NAP1L4: variants seen among roughly 807,000 people sequenced by gnomAD.
NAP1L4 encodes nucleosome assembly protein 1 like 4.
A neutral mutation model predicts 58.2 loss-of-function variants in NAP1L4; 15 were observed. The observed-to-expected ratio is 0.26, with a 90% CI of 0.17 to 0.40. The LOEUF (loss-of-function observed/expected upper bound fraction) is 0.40. Ranked by LOEUF, NAP1L4 falls within the 10% of genes least tolerant of loss-of-function variation. NAP1L4 has a pLI of 1.00. For synonymous variants in NAP1L4, 171 were observed against 155.6 expected (o/e 1.10, Z -0.74); for missense variants, 384 against 451.1 (o/e 0.85, Z 1.35).
rs1044155870 is a variant in NAP1L4, at chr11:2,944,724, G to A, written c.*955C>T. Reference sequence around the variant, plus strand: ...GGACTTGACGCTCATACGCTCCACTGAAACGCAGGACTTCCCAGCCCAGTC... The same window carrying A: ...GGACTTGACGCTCATACGCTCCACTAAAACGCAGGACTTCCCAGCCCAGTC... On this transcript the variant is annotated 3_prime_UTR_variant, in exon 16 of 16. Coordinates refer to ENST00000380542, the MANE Select transcript of NAP1L4 (RefSeq NM_005969.4). 6.6e-6 allele frequency: 1 copy of A among 152,238 alleles called. No homozygotes were observed. Among genetic ancestry groups the A allele is most frequent in the African/African-American group, 2.4e-5 (1 of 41,448 alleles). The allele number at this position is 152,238 out of a possible 1,614,324, so 9.4% of individuals were successfully genotyped here. A position where few individuals can be genotyped will look rare whatever the true frequency, so the allele number is the denominator to read the frequency against.
chr11:2,988,522 G>GA (rs1444079230), intron 1 of NAP1L4, among the ~76,000 whole-genome samples: 1 of 152,244 alleles, frequency 6.6e-6, no homozygotes, highest in Middle Eastern at 3.2e-3. Flanking sequence ...AGATGCTCAT[G>GA]AATAAGTAAA....
rs1847533914 is a variant in NAP1L4, at chr11:2,969,891, G to A, written c.446C>T (p.Ala149Val). 1 of 1,613,734 alleles carries A rather than the reference G, an allele frequency of 6.2e-7. No individual in the cohort carries two copies. Among genetic ancestry groups the A allele is most frequent in the African/African-American group, 1.3e-5 (1 of 75,042 alleles). Residue 149 changes from alanine to valine, a missense_variant, in exon 7 of 16, where the codon GCA becomes GTA. By Grantham distance (64) the Ala-to-Val change is moderately conservative (BLOSUM62 0). Around this residue, in one of 3 missense-constraint regions of NAP1L4, gnomAD observed 296 missense variants for 360.8 expected, o/e 0.82. Coordinates refer to ENST00000380542, the MANE Select transcript of NAP1L4 (RefSeq NM_005969.4). ...SKVVVTEKAAATAEEPDPKGI... is the reference protein window; with the variant it reads ...SKVVVTEKAAVTAEEPDPKGI... ...TTTGGGATCTGGCTCTTCAGCCGTT[G>A]CCGCTGCTTTTTCTGTGACGACTAC...
Position 2,954,425 on chromosome 11 carries a change from A to G in NAP1L4, c.1035+102T>C. The G allele has an allele frequency of 6.5e-7, 1 of 1,542,518 alleles. No individual in the cohort carries two copies. The highest frequency in any genetic ancestry group is 8.9e-7 in the Non-Finnish European group (1 of 1,118,536). ...TACATATCTGGCTGATGATGTAATA[A>G]AAAGATTAGGCATGGGGGTTTCCTA... On this transcript the variant is annotated intron_variant, in intron 12 of 15. Coordinates refer to ENST00000380542, the MANE Select transcript of NAP1L4 (RefSeq NM_005969.4). This position sits in a 1 kb window ranked among gnomAD's most constrained non-coding sequence, Gnocchi z 4.8.
In NAP1L4 at chr11:2,964,756, T is replaced by C. The variant is rs774662201; in HGVS notation, c.535-5A>G. Reference sequence around the variant, plus strand: ...CAAGATTGGTTCATCATATTCCTAATCAAAAAGAGAAAAAAAATTCCAACA... The same window carrying C: ...CAAGATTGGTTCATCATATTCCTAACCAAAAAGAGAAAAAAAATTCCAACA... On this transcript the variant is annotated splice_polypyrimidine_tract_variant and splice_region_variant and intron_variant, in intron 7 of 15. Transcript: ENST00000380542. 79 of 1,608,498 alleles carry C rather than the reference T, an allele frequency of 4.9e-5. No individual in the cohort carries two copies. The highest frequency in any genetic ancestry group is 5.8e-5 in the Non-Finnish European group (68 of 1,176,378).
In NAP1L4 at chr11:2,948,637, T is replaced by C. The variant is rs769771068; in HGVS notation, c.*32+590A>G. ...ACAACTGGTTCTTGCTTCATTCAAC[T>C]AGCACCAACCTCACAACAGTACTTT... On this transcript the variant is annotated intron_variant, in intron 15 of 15. Coordinates refer to ENST00000380542, the MANE Select transcript of NAP1L4 (RefSeq NM_005969.4). This position sits in a 1 kb window ranked among gnomAD's most constrained non-coding sequence, Gnocchi z 5.1. Among the ~76,000 whole-genome samples, 8 of 152,210 alleles carry C rather than the reference T, an allele frequency of 5.3e-5. No individual in the cohort carries two copies. Among genetic ancestry groups the C allele is most frequent in the Non-Finnish European group, 1.2e-4 (8 of 68,020 alleles).
At position 2,949,067 on chromosome 11, in the gene NAP1L4, T is replaced by C. The variant is rs1289586319; in HGVS notation, c.*32+160A>G. Among the ~76,000 whole-genome samples the C allele has an allele frequency of 6.6e-6, 1 of 152,238 alleles. No homozygotes were observed. The highest frequency in any genetic ancestry group is 1.9e-4 in the East Asian group (1 of 5,196). Reference sequence around the variant, plus strand: ...AGGGACCAAATCTAGGTTTGGTTCGTTGATTTTAAAAGTACATGTAACAGA... The same window carrying C: ...AGGGACCAAATCTAGGTTTGGTTCGCTGATTTTAAAAGTACATGTAACAGA... On this transcript the variant is annotated intron_variant, in intron 15 of 15. Coordinates refer to ENST00000380542, the MANE Select transcript of NAP1L4 (RefSeq NM_005969.4). The surrounding 1 kb of genome is among the most constrained non-coding windows in gnomAD (Gnocchi z 4.0).
At chr11:2,960,012 T>A (rs1846769081) in intron 8 of NAP1L4, 103 bp from the exon 9 acceptor site, 4 of 1,226,070 alleles carry the variant, frequency 3.3e-6, no homozygotes, top group East Asian at 2.6e-5. Flanking sequence ...TTGGGAAAGC[T>A]CAACAGATAG....
chr11:2,980,030 C>T (rs1249473497), intron 1 of NAP1L4, among the ~76,000 whole-genome samples: 2 of 152,000 alleles, frequency 1.3e-5, no homozygotes, highest in Non-Finnish European at 2.9e-5. Flanking sequence ...GGATGTATTG[C>T]TTGTGTAAAA....
chr11:2,974,598 T>C (rs1464323130), intron 4 of NAP1L4, among the ~76,000 whole-genome samples: 1 of 152,170 alleles, frequency 6.6e-6, no homozygotes, highest in East Asian at 1.9e-4. Context: ...AAGCAAACTC[T>C]GAATGTCACC....
rs941957869 is a variant in NAP1L4 at position 2,949,731 on chromosome 11, G to A, written c.1123-467C>T. On this transcript the variant is annotated intron_variant, in intron 14 of 15. Coordinates refer to ENST00000380542, the MANE Select transcript of NAP1L4 (RefSeq NM_005969.4). This position sits in a 1 kb window ranked among gnomAD's most constrained non-coding sequence, Gnocchi z 4.0. ...CACATCATGTTCTCTGTAATGGCTG[G>A]TGAGAATGCTCTTTTAGAAACCTGG... Among the ~76,000 whole-genome samples, 1 of 152,210 alleles carries A rather than the reference G, an allele frequency of 6.6e-6. No individual in the cohort carries two copies. The highest frequency in any genetic ancestry group is 1.5e-5 in the Non-Finnish European group (1 of 68,040).
In NAP1L4 at chr11:2,949,729, T is replaced by C. The variant is rs1373948188; in HGVS notation, c.1123-465A>G. On this transcript the variant is annotated intron_variant, in intron 14 of 15. Coordinates refer to ENST00000380542, the MANE Select transcript of NAP1L4 (RefSeq NM_005969.4). This position sits in a 1 kb window ranked among gnomAD's most constrained non-coding sequence, Gnocchi z 4.0. Reference sequence around the variant, plus strand: ...ACCACATCATGTTCTCTGTAATGGCTGGTGAGAATGCTCTTTTAGAAACCT... The same window carrying C: ...ACCACATCATGTTCTCTGTAATGGCCGGTGAGAATGCTCTTTTAGAAACCT... Among the ~76,000 whole-genome samples the C allele has an allele frequency of 1.3e-5, 2 of 152,220 alleles. No homozygotes were observed. The highest frequency in any genetic ancestry group is 4.8e-5 in the African/African-American group (2 of 41,460).
At chr11:2,947,138 C>T (rs550552837) in intron 15 of NAP1L4, among the ~76,000 whole-genome samples, 2 of 152,292 alleles carry the variant, frequency 1.3e-5, no homozygotes, top group East Asian at 3.9e-4. Flanking sequence ...CATCCCAAAT[C>T]CCAAATCTGA....
At chr11:2,979,923 C>T (rs1328598690) in intron 1 of NAP1L4, among the ~76,000 whole-genome samples, 3 of 152,134 alleles carry the variant, frequency 2.0e-5, no homozygotes, top group East Asian at 3.8e-4. Flanking sequence ...TAGAGTAAGT[C>T]AAAGCATTTA....
intron 7 of NAP1L4, among the ~76,000 whole-genome samples, chr11:2,967,086 T>A (rs111230324): frequency 7.2e-4 from 109 of 152,310 alleles, no homozygotes; most frequent in African/African-American, 2.5e-3. Context: ...GACTCAGAGT[T>A]AATCCGCCTT....
intron 12 of NAP1L4, chr11:2,952,317 T>C (rs1846276240): frequency 6.4e-6 from 1 of 155,556 alleles, no homozygotes; most frequent in Admixed American, 6.3e-5. Flanking sequence ...ATCAATAAGG[T>C]GCTCAAAGGT....
In NAP1L4 at chr11:2,971,105, T is replaced by G. The variant is rs1847615220; in HGVS notation, c.402+343A>C. Reference sequence around the variant, plus strand: ...TCCATGCCACTGAGCAGGAAGGCACTCCCCTCACAACTCCCCCAATCTTCC... The same window carrying G: ...TCCATGCCACTGAGCAGGAAGGCACGCCCCTCACAACTCCCCCAATCTTCC... On this transcript the variant is annotated intron_variant, in intron 6 of 15. Transcript: ENST00000380542. The surrounding 1 kb of genome is among the most constrained non-coding windows in gnomAD (Gnocchi z 4.2). 2.0e-5 allele frequency among the ~76,000 whole-genome samples: 3 copies of G among 152,170 alleles called. No individual in the cohort carries two copies. In the South Asian group the frequency reaches 6.2e-4, roughly 32 times the overall value.
rs1337715834 is a variant in NAP1L4, at chr11:2,959,258, T to C, written c.746+512A>G. On this transcript the variant is annotated intron_variant, in intron 9 of 15. Coordinates refer to ENST00000380542, the MANE Select transcript of NAP1L4 (RefSeq NM_005969.4). The surrounding 1 kb of genome is among the most constrained non-coding windows in gnomAD (Gnocchi z 4.9). ...GTTTCAAGTCAAGACTAAAACCATT[T>C]CTCAGTCAACCCAACCTGGAGAAAT... Among the ~76,000 whole-genome samples, 1 of 152,252 alleles carries C rather than the reference T, an allele frequency of 6.6e-6. No individual in the cohort carries two copies. Among genetic ancestry groups the C allele is most frequent in the Non-Finnish European group, 1.5e-5 (1 of 68,036 alleles).
intron 1 of NAP1L4, chr11:2,991,333 GA>G (rs1848953381): frequency 3.2e-6 from 1 of 309,842 alleles, no homozygotes; most frequent in South Asian, 2.5e-5. Context: ...GGGGAAAATT[GA>G]AAACAACAAA....
chr11:2,979,921 G>T (rs146995963), intron 1 of NAP1L4, among the ~76,000 whole-genome samples: 1 of 152,166 alleles, frequency 6.6e-6, no homozygotes, highest in South Asian at 2.1e-4. Context: ...TTTAGAGTAA[G>T]TCAAAGCATT....
Sources: gnomAD v4.1 joint callset for allele counts (sites outside exome capture counted in the v4.1 genomes callset) on GRCh38, gnomAD v4.1.1 for gene constraint, gnomAD v4.1.1 regional missense constraint, Gnocchi (gnomAD v3.1) non-coding constraint, MANE v1.5 for transcripts, NCBI Gene and HGNC (gene_info 2026-07-23, HGNC 2026-07-21) for gene names.